The following USP3 variants were observed in gnomAD, a reference collection of about 807,000 sequenced individuals.
USP3 encodes the protein ubiquitin specific peptidase 3.
USP3 carries 20 observed loss-of-function variants against 72.3 expected under a neutral mutation model. That is an observed-to-expected ratio of 0.28 (90% CI 0.19 to 0.40). The LOEUF (loss-of-function observed/expected upper bound fraction) is 0.40. USP3 is among the 10% of genes least tolerant of loss of function. The probability of loss-of-function intolerance (pLI) is 1.00; values close to 1 mark genes in which losing one functional copy is unlikely to be tolerated. For synonymous variants in USP3, 222 were observed against 225.3 expected (o/e 0.99, Z 0.13); for missense variants, 479 against 633.9 (o/e 0.76, Z 2.62).
intron 1 of USP3, among the ~76,000 whole-genome samples, chr15:63,512,345 TCC>T: frequency 1.4e-5 from 1 of 72,978 alleles, no homozygotes; most frequent in Non-Finnish European, 3.8e-5. Context: ...CTCCTCTTCC[TCC>T]TCTTCCTCTT....
At chr15:63,535,401 A>G (rs1485231438) in intron 2 of USP3, among the ~76,000 whole-genome samples, 2 of 152,228 alleles carry the variant, frequency 1.3e-5, no homozygotes, top group African/African-American at 4.8e-5. Flanking sequence ...ATTTGTTATG[A>G]ACTATGGATT....
chr15:63,515,678 C>G (rs1471021588), intron 1 of USP3, among the ~76,000 whole-genome samples: 3 of 152,142 alleles, frequency 2.0e-5, no homozygotes, highest in Admixed American at 2.0e-4. Flanking sequence ...ATATTTTAGA[C>G]TTTTTAATAA....
intron 3 of USP3, among the ~76,000 whole-genome samples, chr15:63,539,071 G>T (rs577421192): frequency 3.3e-5 from 5 of 152,110 alleles, no homozygotes; most frequent in African/African-American, 1.2e-4. Context: ...GCATTAGCCA[G>T]GCAGTTAAAG....
At chr15:63,539,446 A>C (rs530909958) in intron 3 of USP3, among the ~76,000 whole-genome samples, 3 of 152,336 alleles carry the variant, frequency 2.0e-5, no homozygotes, top group African/African-American at 7.2e-5. Flanking sequence ...TGTTAAAGAA[A>C]ATTTTAAGAA....
intron 1 of USP3, among the ~76,000 whole-genome samples, chr15:63,524,943 A>T (rs940140255): frequency 6.6e-6 from 1 of 152,202 alleles, no homozygotes; most frequent in Non-Finnish European, 1.5e-5. Flanking sequence ...GAAGAATGTC[A>T]AAGAATTTGT....
intron 11 of USP3, among the ~76,000 whole-genome samples, chr15:63,577,251 C>G (rs1397545635): frequency 1.3e-5 from 2 of 152,138 alleles, no homozygotes; most frequent in Non-Finnish European, 2.9e-5. Flanking sequence ...CAGCAGTGTA[C>G]TAAAACAATA....
In USP3 at chr15:63,588,383, A is replaced by C. The variant is rs1219400626; in HGVS notation, c.1175A>C (p.Gln392Pro). 6.2e-7 allele frequency: 1 copy of C among 1,606,908 alleles called. No homozygotes were observed. Among genetic ancestry groups the C allele is most frequent in the Non-Finnish European group, 8.5e-7 (1 of 1,178,268 alleles). Residue 392 changes from glutamine to proline, a missense_variant, in exon 12 of 15, where the codon CAA becomes CCA. By Grantham distance (76) the Gln-to-Pro change is moderately conservative. Transcript: ENST00000380324. This position sits in a 1 kb window ranked among gnomAD's most constrained non-coding sequence, Gnocchi z 4.6. ...LYMCHKCKKK[Q>P]KSTKKFWIQK... ...ATGTGCCATAAATGCAAAAAGAAAC[A>C]AAAGTCCACAAAAAAGTTTTGGATT...
chr15:63,582,216 G>A (rs1162392396), intron 11 of USP3, among the ~76,000 whole-genome samples: 1 of 152,184 alleles, frequency 6.6e-6, no homozygotes, highest in Non-Finnish European at 1.5e-5. Flanking sequence ...ATTACAAATA[G>A]GCATTAGGTT....
chr15:63,566,615 G>C (rs372702576), intron 8 of USP3, among the ~76,000 whole-genome samples: 1 of 152,068 alleles, frequency 6.6e-6, no homozygotes, highest in African/African-American at 2.4e-5. Flanking sequence ...GCCTGGCCAC[G>C]TGTGATACTT....
chr15:63,532,145 T>C (rs535074639), intron 1 of USP3, among the ~76,000 whole-genome samples: 1 of 152,344 alleles, frequency 6.6e-6, no homozygotes, highest in African/African-American at 2.4e-5. Flanking sequence ...AGTTGTCATA[T>C]ATTTTATGCA....
chr15:63,510,534 G>A (rs1484342380), intron 1 of USP3, among the ~76,000 whole-genome samples: 1 of 152,152 alleles, frequency 6.6e-6, no homozygotes, highest in Non-Finnish European at 1.5e-5. Flanking sequence ...GAAAAGGTAT[G>A]CTGTTTAACA....
chr15:63,543,510 AT>A (rs2066276407), intron 3 of USP3, among the ~76,000 whole-genome samples: 2 of 152,198 alleles, frequency 1.3e-5, no homozygotes, highest in Non-Finnish European at 1.5e-5. Flanking sequence ...AGATTTGATG[AT>A]TGTGTGCCAT....
intron 8 of USP3, 107 bp downstream of exon 8, chr15:63,563,115 G>T: frequency 1.3e-6 from 1 of 764,546 alleles, no homozygotes; most frequent in Non-Finnish European, 1.9e-6. Flanking sequence ...AAATACTTAA[G>T]ACTGGTTTGG....
intron 11 of USP3, among the ~76,000 whole-genome samples, chr15:63,576,762 T>A (rs1428731325): frequency 6.6e-6 from 1 of 152,254 alleles, no homozygotes; most frequent in African/African-American, 2.4e-5. Context: ...TCAGGCTTGA[T>A]TTTTATTTAA....
chr15:63,567,222 G>A (rs1215831414), intron 8 of USP3, among the ~76,000 whole-genome samples: 1 of 152,038 alleles, frequency 6.6e-6, no homozygotes, highest in Non-Finnish European at 1.5e-5. Context: ...GTCTCGCTCT[G>A]TTGCCCAGGC....
Position 63,574,512 on chromosome 15 carries a change from T to C in USP3, c.1096+109T>C, listed in dbSNP as rs2066830690. 1 of 792,736 alleles carries C rather than the reference T, an allele frequency of 1.3e-6. No individual in the cohort carries two copies. The highest frequency in any genetic ancestry group is 1.8e-6 in the Non-Finnish European group (1 of 544,548). The allele number at this position is 792,736 out of a possible 1,614,324, so 49.1% of individuals were successfully genotyped here. A position where few individuals can be genotyped will look rare whatever the true frequency, so the allele number is the denominator to read the frequency against. ...AATTAATATCTTTAATGAATCTGTG[T>C]TGTAACTTAACAAAAGTCAAACTTG... is the stretch of plus-strand genomic sequence containing the variant. On this transcript the variant is annotated intron_variant, in intron 11 of 14. Transcript: ENST00000380324. This position sits in a 1 kb window ranked among gnomAD's most constrained non-coding sequence, Gnocchi z 4.6.
intron 11 of USP3, among the ~76,000 whole-genome samples, chr15:63,582,242 G>T (rs1028661379): frequency 6.6e-6 from 1 of 152,184 alleles, no homozygotes; most frequent in African/African-American, 2.4e-5. Flanking sequence ...GGATGCTCAG[G>T]TAACTTTTTA....
At chr15:63,573,965 T>G in intron 9 of USP3, 81 bp from the exon 10 acceptor site, 1 of 951,360 alleles carries the variant, frequency 1.1e-6, no homozygotes, top group Non-Finnish European at 1.5e-6. Context: ...TGTAGGGGCT[T>G]TAACAAATAT....
chr15:63,533,920 T>G (rs1361386731), intron 2 of USP3: 3 of 1,122,326 alleles, frequency 2.7e-6, no homozygotes, highest in Non-Finnish European at 3.3e-6. Flanking sequence ...TTTTGAGAGG[T>G]GAGAATTATA....
Sources: gnomAD v4.1 joint callset for allele counts (sites outside exome capture counted in the v4.1 genomes callset) on GRCh38, gnomAD v4.1.1 for gene constraint, Gnocchi (gnomAD v3.1) non-coding constraint, MANE v1.5 for transcripts, NCBI Gene and HGNC (gene_info 2026-07-23, HGNC 2026-07-21) for gene names.